Variants in MLLT1 observed in about 807,000 individuals in gnomAD.
MLLT1 encodes the protein protein ENL.
A neutral mutation model predicts 55.1 loss-of-function variants in MLLT1; 11 were observed. The observed-to-expected ratio is 0.20, with a 90% CI of 0.13 to 0.33. The LOEUF (loss-of-function observed/expected upper bound fraction) is 0.33, where lower values mean the gene tolerates loss of function less well. Ranked by LOEUF, MLLT1 falls within the 10% of genes least tolerant of loss-of-function variation. MLLT1 has a pLI of 1.00. For missense variants in MLLT1, 536 were observed against 760.6 expected (o/e 0.70, Z 3.47); for synonymous variants, 323 against 320.1 (o/e 1.01, Z -0.10).
Position 6,213,971 on chromosome 19 carries a change from G to T in MLLT1, c.1375C>A (p.Pro459Thr). 1 of 1,459,594 alleles carries T rather than the reference G, an allele frequency of 6.9e-7. No individual in the cohort carries two copies. The allele number at this position is 1,459,594 out of a possible 1,614,324, so 90.4% of individuals were successfully genotyped here. The change falls in exon 9 of 12, where the codon CCC becomes ACC. Residue 459 changes from proline to threonine, a missense_variant. By Grantham distance (38) the Pro-to-Thr change is conservative (BLOSUM62 -1). Transcript: ENST00000252674. ...DSSLPSREPP[P>T]PQKPPPPNSK... ...TTGGGCGGGGGTGGCTTCTGGGGGG[G>T]TGGGGGCTCACGGCTGGGCAGGGAG...
intron 1 of MLLT1, among the ~76,000 whole-genome samples, chr19:6,275,214 C>A (rs1055089380): frequency 6.6e-6 from 1 of 152,226 alleles, no homozygotes; most frequent in Admixed American, 6.5e-5. Context: ...ACTTGGACTT[C>A]GCCCAGTGGT....
rs1283056374 is a variant in MLLT1, at chr19:6,226,640, C to A, written c.546+337G>T. Reference sequence around the variant, plus strand: ...CTGCAGCCTAGACAGAGACACTCTACCCAGCGGCCGCCCCAACAGCCTTCG... The same window carrying A: ...CTGCAGCCTAGACAGAGACACTCTAACCAGCGGCCGCCCCAACAGCCTTCG... On this transcript the variant is annotated intron_variant, in intron 5 of 11. Coordinates refer to ENST00000252674, the MANE Select transcript of MLLT1 (RefSeq NM_005934.4). The surrounding 1 kb of genome is among the most constrained non-coding windows in gnomAD (Gnocchi z 6.3). Among the ~76,000 whole-genome samples, 1 of 152,128 alleles carries A rather than the reference C, an allele frequency of 6.6e-6. No individual in the cohort carries two copies. Among genetic ancestry groups the A allele is most frequent in the Non-Finnish European group, 1.5e-5 (1 of 68,028 alleles).
intron 8 of MLLT1, among the ~76,000 whole-genome samples, chr19:6,214,263 C>T (rs191950657): frequency 2.3e-3 from 352 of 152,286 alleles, no homozygotes; most frequent in Middle Eastern, 6.8e-3. Flanking sequence ...CTTTGGGGGC[C>T]GCCCGAGCAG....
intron 6 of MLLT1, among the ~76,000 whole-genome samples, chr19:6,218,399 G>C (rs1487505927): frequency 1.3e-5 from 2 of 152,244 alleles, no homozygotes; most frequent in African/African-American, 2.4e-5. Context: ...GGTGGGCCTT[G>C]CCTTCGTCCA....
Position 6,224,024 on chromosome 19 carries a change from C to T in MLLT1, c.547-1340G>A, listed in dbSNP as rs560741440. ...AGAGTACCAGGGAGGAGGGGGGCCA[C>T]GCTTCACAGATCCCCCAAAGACATG... On this transcript the variant is annotated intron_variant, in intron 5 of 11. Transcript: ENST00000252674. Among the ~76,000 whole-genome samples, 52 of 152,266 alleles carry T rather than the reference C, an allele frequency of 3.4e-4. 1 individual carries two copies. In the South Asian group the frequency reaches 9.7e-3, roughly 29 times the overall value.
intron 2 of MLLT1, among the ~76,000 whole-genome samples, chr19:6,265,941 T>C (rs886228272): frequency 1.3e-4 from 20 of 151,934 alleles, no homozygotes; most frequent in African/African-American, 4.6e-4. Context: ...AACGCGCCAC[T>C]GCACTCCAGC....
At chr19:6,249,664 C>T (rs1175459969) in intron 3 of MLLT1, among the ~76,000 whole-genome samples, 1 of 152,208 alleles carries the variant, frequency 6.6e-6, no homozygotes, top group African/African-American at 2.4e-5. Context: ...GTTCCCATCA[C>T]ACATCCAGTC....
At chr19:6,261,266 C>A (rs535825538) in intron 3 of MLLT1, among the ~76,000 whole-genome samples, 1 of 152,190 alleles carries the variant, frequency 6.6e-6, no homozygotes, top group Non-Finnish European at 1.5e-5. Context: ...AACTGGACCC[C>A]GCGCGAGGCC....
rs571941247 is a variant in MLLT1, at chr19:6,262,891, GA to G, written c.194-582del. 3.1e-3 allele frequency among the ~76,000 whole-genome samples: 447 copies of G among 145,158 alleles called. No individual in the cohort carries two copies. The highest frequency in any genetic ancestry group is 7.1e-3 in the South Asian group (32 of 4,500). On this transcript the variant is annotated intron_variant, in intron 2 of 11. Transcript: ENST00000252674. The surrounding 1 kb of genome is among the most constrained non-coding windows in gnomAD (Gnocchi z 4.4). ...CCCATTGACCCCAGAGATTAAAAAA[GA>G]AAAAAAAAAGGCCGGACACGGTGGC...
intron 3 of MLLT1, among the ~76,000 whole-genome samples, chr19:6,245,260 T>TC (rs1214809314): frequency 2.0e-5 from 3 of 149,362 alleles, no homozygotes; most frequent in African/African-American, 4.9e-5. Flanking sequence ...TTTCTTTCTT[T>TC]TTTTTTTTTT....
chr19:6,264,892 T>TTA (rs2091333961), intron 2 of MLLT1, among the ~76,000 whole-genome samples: 2 of 73,646 alleles, frequency 2.7e-5, no homozygotes, highest in Non-Finnish European at 5.1e-5. Context: ...GAAACTCTGT[T>TTA]AAAAAAAAAA....
intron 3 of MLLT1, among the ~76,000 whole-genome samples, chr19:6,238,223 C>A (rs942287073): frequency 1.3e-5 from 2 of 152,248 alleles, no homozygotes; most frequent in African/African-American, 4.8e-5. Flanking sequence ...GAACTAGCTG[C>A]AGGCTCTAGA....
intron 8 of MLLT1, among the ~76,000 whole-genome samples, chr19:6,214,536 G>T (rs2090820036): frequency 6.6e-6 from 1 of 152,174 alleles, no homozygotes; most frequent in Non-Finnish European, 1.5e-5. Context: ...TAGAGGGTGT[G>T]GTCCTAAACA....
Position 6,222,390 on chromosome 19 carries a change from G to A in MLLT1, c.841C>T (p.Arg281Trp), listed in dbSNP as rs2090909609. Residue 281 changes from arginine (R) to tryptophan (W), a missense_variant, in exon 6 of 12, where the codon CGG (arginine) becomes TGG (tryptophan). This residue lies in a region of MLLT1 where 449 missense variants were observed against 489.0 expected (regional missense o/e 0.92). Transcript: ENST00000252674. This position sits in a 1 kb window ranked among gnomAD's most constrained non-coding sequence, Gnocchi z 4.1. ...GPPPPPPPPP[R>W]ASSKRPATAD... ...GTGGCCGGCCGCTTGCTGGAAGCCCGGGGTGGGGGTGGGGGTGGGGGTGGG... is the reference window on the plus strand; with the variant it reads ...GTGGCCGGCCGCTTGCTGGAAGCCCAGGGTGGGGGTGGGGGTGGGGGTGGG... The A allele has an allele frequency of 1.0e-5, 12 of 1,189,266 alleles. No homozygotes were observed. Among genetic ancestry groups the A allele is most frequent in the South Asian group, 9.6e-5 (6 of 62,694 alleles). The allele number at this position is 1,189,266 out of a possible 1,614,324, so 73.7% of individuals were successfully genotyped here.
chr19:6,222,247 C>T lies in MLLT1; in HGVS notation c.984G>A (p.Lys328=). Reference sequence around the variant, plus strand: ...TGGTGCTGCTCTTGTCCTTGGCCGGCTTCTTGTCCGAGAAGGAGGAGGAGG... The same window carrying T: ...TGGTGCTGCTCTTGTCCTTGGCCGGTTTCTTGTCCGAGAAGGAGGAGGAGG... The part of the protein sequence containing the change: ...TSSSSSFSDK[K]PAKDKSSTRG... Residue 328 remains lysine, a synonymous_variant, in exon 6 of 12, where the codon AAG becomes AAA. Coordinates refer to ENST00000252674, the MANE Select transcript of MLLT1 (RefSeq NM_005934.4). This position sits in a 1 kb window ranked among gnomAD's most constrained non-coding sequence, Gnocchi z 4.1. The T allele has an allele frequency of 1.2e-6, 2 of 1,613,284 alleles. No homozygotes were observed. The highest frequency in any genetic ancestry group is 1.7e-6 in the Non-Finnish European group (2 of 1,179,776).
chr19:6,254,340 A>C (rs746298508), intron 3 of MLLT1, among the ~76,000 whole-genome samples: 29 of 152,212 alleles, frequency 1.9e-4, no homozygotes, highest in Admixed American at 5.2e-4. Flanking sequence ...GCCATTACTG[A>C]ATCGCACTCT....
chr19:6,270,763 G>C lies in MLLT1; in HGVS notation c.13-4C>G. On this transcript the variant is annotated splice_polypyrimidine_tract_variant and splice_region_variant and intron_variant, in intron 1 of 11. Coordinates refer to ENST00000252674, the MANE Select transcript of MLLT1 (RefSeq NM_005934.4). The surrounding 1 kb of genome is among the most constrained non-coding windows in gnomAD (Gnocchi z 7.1). ...CTAACCTCACCTGGACGGTGCACTG[G>C]AGGAGAGAGAGGTGGGGAGATGAAG... 10 of 1,595,804 alleles carry C rather than the reference G, an allele frequency of 6.3e-6. No individual in the cohort carries two copies. Among genetic ancestry groups the C allele is most frequent in the Non-Finnish European group, 8.6e-6 (10 of 1,168,028 alleles).
chr19:6,244,913 C>G (rs186984932), intron 3 of MLLT1, among the ~76,000 whole-genome samples: 4 of 152,038 alleles, frequency 2.6e-5, no homozygotes, highest in African/African-American at 7.3e-5. Flanking sequence ...CTAGGACAGA[C>G]GGCTATAATC....
At chr19:6,238,756 A>G (rs144802106) in intron 3 of MLLT1, among the ~76,000 whole-genome samples, 2,699 of 149,916 alleles carry the variant, frequency 0.018, 37 homozygotes, top group Middle Eastern at 0.051. Context: ...AGCAGCAAAC[A>G]CCTTCTCCGC....
Sources: gnomAD v4.1 joint callset for allele counts (sites outside exome capture counted in the v4.1 genomes callset) on GRCh38, gnomAD v4.1.1 for gene constraint, gnomAD v4.1.1 regional missense constraint, Gnocchi (gnomAD v3.1) non-coding constraint, MANE v1.5 for transcripts, NCBI Gene and HGNC (gene_info 2026-07-23, HGNC 2026-07-21) for gene names.